Variants in KHDRBS2 observed in about 807,000 individuals in gnomAD.
KHDRBS2 encodes the protein KH RNA binding domain containing, signal transduction associated 2.
Under a neutral mutation model 44.3 loss-of-function variants are expected in KHDRBS2, and 26 were observed. The ratio of observed to expected loss-of-function variants is 0.59; its 90% CI spans 0.43 to 0.81. The LOEUF is 0.81. Ranked by LOEUF, KHDRBS2 falls within the 40% of genes least tolerant of loss-of-function variation. KHDRBS2 has a pLI of 0.00. For missense variants in KHDRBS2, 476 were observed against 433.1 expected (o/e 1.10, Z -0.88); for synonymous variants, 194 against 151.1 (o/e 1.28, Z -2.08).
chr6:61,625,485 C>T, the KHDRBS2 span, among the ~76,000 whole-genome samples: 4 of 151,594 alleles, frequency 2.6e-5, no homozygotes, highest in Non-Finnish European at 5.9e-5. Context: ...TTTTTGGATG[C>T]ATCACAGTGT....
At chr6:62,004,715 G>T (rs1433650503) in intron 3 of KHDRBS2, among the ~76,000 whole-genome samples, 2 of 151,986 alleles carry the variant, frequency 1.3e-5, no homozygotes, top group East Asian at 1.9e-4. Context: ...AACAAAAAAA[G>T]AGAATTTTAG....
Position 62,091,894 on chromosome 6 carries a change from C to T in KHDRBS2, c.220-43900G>A, listed in dbSNP as rs554253004. Among the ~76,000 whole-genome samples, 37 of 152,142 alleles carry T rather than the reference C, an allele frequency of 2.4e-4. No homozygotes were observed. The South Asian group carries it at 2.7e-3, about 11-fold the overall frequency. ...GAACAGTGACTGACAATTCTCATTA[C>T]GTATTAATTATTAATTATTAACTAC... On this transcript the variant is annotated intron_variant, in intron 2 of 8. Transcript: ENST00000281156.
In KHDRBS2 at chr6:61,791,037, A is replaced by T. The variant is rs1784557871; in HGVS notation, c.811-58273T>A. Among the ~76,000 whole-genome samples the T allele has an allele frequency of 2.6e-5, 4 of 151,470 alleles. No homozygotes were observed. The South Asian group carries it at 8.3e-4, about 31-fold the overall frequency. On this transcript the variant is annotated intron_variant, in intron 6 of 8. Coordinates refer to ENST00000281156, the MANE Select transcript of KHDRBS2 (RefSeq NM_152688.4). Reference sequence around the variant, plus strand: ...ATTTGTTCATTTAATCTAAATTTTCATATTTATTGGAATGACGTTCCTTAT... The same window carrying T: ...ATTTGTTCATTTAATCTAAATTTTCTTATTTATTGGAATGACGTTCCTTAT...
intron 1 of KHDRBS2, among the ~76,000 whole-genome samples, chr6:62,268,296 C>A (rs1332755600): frequency 1.3e-5 from 2 of 150,336 alleles, no homozygotes; most frequent in Non-Finnish European, 3.0e-5. Flanking sequence ...ATTGTTAAAT[C>A]TTCTTTTTGG....
At chr6:62,033,387 C>G (rs1317252878) in intron 3 of KHDRBS2, among the ~76,000 whole-genome samples, 1 of 151,658 alleles carries the variant, frequency 6.6e-6, no homozygotes, top group Admixed American at 6.6e-5. Context: ...CAGATTTAAC[C>G]AAAAGAAGAC....
chr6:61,775,091 AC>A (rs1188517400), intron 6 of KHDRBS2, among the ~76,000 whole-genome samples: 2 of 152,026 alleles, frequency 1.3e-5, no homozygotes, highest in Admixed American at 6.6e-5. Flanking sequence ...AAATTCAACA[AC>A]CCTTCATGCT....
At chr6:62,027,962 G>T (rs546972104) in intron 3 of KHDRBS2, among the ~76,000 whole-genome samples, 1 of 152,078 alleles carries the variant, frequency 6.6e-6, no homozygotes, top group Non-Finnish European at 1.5e-5. Context: ...GTCGTTGTAG[G>T]AATCTCCAGT....
intron 2 of KHDRBS2, among the ~76,000 whole-genome samples, chr6:62,168,407 C>T (rs1359320857): frequency 6.6e-6 from 1 of 152,116 alleles, no homozygotes; most frequent in Non-Finnish European, 1.5e-5. Flanking sequence ...CCTAGGTGAA[C>T]AAACAGGTAC....
chr6:62,102,253 T>C (rs1244962697), intron 2 of KHDRBS2, among the ~76,000 whole-genome samples: 1 of 152,188 alleles, frequency 6.6e-6, no homozygotes, highest in Non-Finnish European at 1.5e-5. Context: ...CATTACATAT[T>C]GTATTAGTCT....
At chr6:61,889,682 C>T (rs923152335) in intron 6 of KHDRBS2, among the ~76,000 whole-genome samples, 1 of 152,090 alleles carries the variant, frequency 6.6e-6, no homozygotes, top group African/African-American at 2.4e-5. Context: ...TTCTATTATC[C>T]ATGATGTAGG....
At chr6:62,194,163 CAT>C (rs1825153788) in intron 1 of KHDRBS2, among the ~76,000 whole-genome samples, 1 of 152,050 alleles carries the variant, frequency 6.6e-6, no homozygotes, top group African/African-American at 2.4e-5. Flanking sequence ...TAGTGGCAAA[CAT>C]ACTTCTATGT....
Position 62,169,138 on chromosome 6 carries a change from C to CAT in KHDRBS2, c.219+8045_219+8046dup, listed in dbSNP as rs568264309. 2.7e-4 allele frequency among the ~76,000 whole-genome samples: 21 copies of CAT among 77,246 alleles called. 1 individual carries two copies. The highest frequency in any genetic ancestry group is 1.4e-3 in the African/African-American group (21 of 14,932). The allele number at this position is 77,246 out of a possible 152,430, so 50.7% of individuals were successfully genotyped here. A position where few individuals can be genotyped will look rare whatever the true frequency, so the allele number is the denominator to read the frequency against. The stretch of plus-strand genomic sequence containing the variant: ...ATGTGTGTATATATACATATACACA[C>CAT]ATATATGTGTGTATATATACGTACA... On this transcript the variant is annotated intron_variant, in intron 2 of 8. Transcript: ENST00000281156.
intron 4 of KHDRBS2, among the ~76,000 whole-genome samples, chr6:61,908,818 G>A (rs748784984): frequency 5.9e-5 from 9 of 151,996 alleles, no homozygotes; most frequent in Non-Finnish European, 8.8e-5. Context: ...TGGTATGTTA[G>A]ATAGAATTAC....
chr6:62,281,449 G>T (rs1841785406), intron 1 of KHDRBS2, among the ~76,000 whole-genome samples: 1 of 151,832 alleles, frequency 6.6e-6, no homozygotes, highest in Admixed American at 6.6e-5. Context: ...GTGAAATCCA[G>T]TCTCTACTAA....
intron 7 of KHDRBS2, among the ~76,000 whole-genome samples, chr6:61,707,668 T>G (rs1488624658): frequency 6.6e-6 from 1 of 151,794 alleles, no homozygotes; most frequent in Admixed American, 6.6e-5. Context: ...AATCCGGTCA[T>G]GATTAACACT....
chr6:61,992,039 C>T (rs1776237397), intron 3 of KHDRBS2, among the ~76,000 whole-genome samples: 1 of 152,192 alleles, frequency 6.6e-6, no homozygotes, highest in South Asian at 2.1e-4. Context: ...TAACCACTTA[C>T]TAGAATATAG....
At chr6:62,275,800 T>A (rs1840842689) in intron 1 of KHDRBS2, among the ~76,000 whole-genome samples, 2 of 152,174 alleles carry the variant, frequency 1.3e-5, no homozygotes, top group Non-Finnish European at 2.9e-5. Context: ...TTGCCTAACC[T>A]CTGATTTATT....
intron 6 of KHDRBS2, among the ~76,000 whole-genome samples, chr6:61,850,060 C>T (rs1429923900): frequency 1.3e-5 from 2 of 152,096 alleles, no homozygotes; most frequent in Non-Finnish European, 2.9e-5. Flanking sequence ...CCTTGTTACT[C>T]AAAGATGTGG....
the KHDRBS2 span, among the ~76,000 whole-genome samples, chr6:61,550,158 G>A: frequency 6.6e-6 from 1 of 152,060 alleles, no homozygotes; most frequent in South Asian, 2.1e-4. Flanking sequence ...CAGGTAACAA[G>A]CATAGTACTC....
Sources: allele counts gnomAD v4.1 joint callset (sites outside exome capture counted in the v4.1 genomes callset), GRCh38; gene constraint gnomAD v4.1.1; transcripts MANE v1.5; gene names NCBI Gene and HGNC (gene_info 2026-07-23, HGNC 2026-07-21).